Variants in PRKG1 observed in about 807,000 individuals in gnomAD.
The protein encoded by PRKG1 is protein kinase cGMP-dependent 1.
PRKG1 carries 35 observed loss-of-function variants against 88.1 expected under a neutral mutation model. That is an observed-to-expected ratio of 0.40 (90% CI 0.30 to 0.53). The LOEUF (loss-of-function observed/expected upper bound fraction) is 0.53, where lower values mean the gene tolerates loss of function less well. Ranked by LOEUF, PRKG1 falls within the 20% of genes least tolerant of loss-of-function variation. The pLI is 0.59. For synonymous variants in PRKG1, 303 were observed against 292.5 expected (o/e 1.04, Z -0.37); for missense variants, 540 against 839.8 (o/e 0.64, Z 4.41).
At chr10:51,217,337 G>A (rs190110555) in intron 2 of PRKG1, among the ~76,000 whole-genome samples, 7 of 152,082 alleles carry the variant, frequency 4.6e-5, no homozygotes, top group Admixed American at 6.5e-5. Context: ...TTCTTTAGCC[G>A]TGTCTAAATG....
Position 52,282,134 on chromosome 10 carries a change from G to A in PRKG1, c.1546-19G>A. ...TAATCATAAGGAGCTTAAGTATCTT[G>A]TTTTTCTCTCTTTGTAAGGTTGATT... On this transcript the variant is annotated intron_variant, in intron 13 of 17. Coordinates refer to ENST00000373980, the MANE Select transcript of PRKG1 (RefSeq NM_006258.4). The A allele has an allele frequency of 3.2e-6, 5 of 1,567,552 alleles. No individual in the cohort carries two copies. The highest frequency in any genetic ancestry group is 4.3e-6 in the Non-Finnish European group (5 of 1,155,926).
At chr10:51,533,631 A>AG (rs1842071884) in intron 3 of PRKG1, among the ~76,000 whole-genome samples, 1 of 151,914 alleles carries the variant, frequency 6.6e-6, no homozygotes, top group African/African-American at 2.4e-5. Context: ...AAAAAAAAAA[A>AG]AAGCCAGTTT....
intron 1 of PRKG1, among the ~76,000 whole-genome samples, chr10:51,045,463 C>T (rs1373747951): frequency 1.3e-5 from 2 of 152,122 alleles, no homozygotes; most frequent in African/African-American, 2.4e-5. Flanking sequence ...GCTGGGACTA[C>T]AGGCATGTGC....
chr10:51,176,033 AAAGGAC>A (rs1162515368), intron 2 of PRKG1, among the ~76,000 whole-genome samples: 3 of 152,162 alleles, frequency 2.0e-5, no homozygotes, highest in Admixed American at 1.3e-4. Context: ...CTGGAAGGAA[AAAGGAC>A]AAGATATTTT....
chr10:51,256,176 G>A (rs111755313), intron 2 of PRKG1, among the ~76,000 whole-genome samples: 3,144 of 152,204 alleles, frequency 0.021, 43 homozygotes, highest in Middle Eastern at 0.044. Context: ...AGAGATCTCT[G>A]TCTTCCCAAG....
At chr10:52,267,165 A>C (rs1336637665) in intron 10 of PRKG1, among the ~76,000 whole-genome samples, 3 of 152,094 alleles carry the variant, frequency 2.0e-5, no homozygotes, top group Non-Finnish European at 4.4e-5. Context: ...TTCATCATGG[A>C]TTAGGTTTGT....
At chr10:51,978,436 CTT>C (rs34946662) in intron 5 of PRKG1, among the ~76,000 whole-genome samples, 33,543 of 134,182 alleles carry the variant, frequency 0.25, 3,849 homozygotes, top group East Asian at 0.33. Flanking sequence ...CATTCGGGCT[CTT>C]TTTTTTTTTT....
chr10:51,942,608 C>T (rs1187306237), intron 5 of PRKG1, among the ~76,000 whole-genome samples: 3 of 146,226 alleles, frequency 2.1e-5, no homozygotes, highest in East Asian at 2.0e-4. Flanking sequence ...AGTCTTTAAT[C>T]CATCTTGAAT....
intron 1 of PRKG1, among the ~76,000 whole-genome samples, chr10:51,082,302 T>C (rs776458720): frequency 6.6e-6 from 1 of 152,144 alleles, no homozygotes; most frequent in Non-Finnish European, 1.5e-5. Context: ...AACATATAGG[T>C]CATTCTCTGG....
chr10:52,037,288 G>A (rs1407723852), intron 5 of PRKG1, among the ~76,000 whole-genome samples: 5 of 152,244 alleles, frequency 3.3e-5, no homozygotes, highest in Admixed American at 3.3e-4. Flanking sequence ...GCATTTGGAA[G>A]TTCCTGTGTG....
At chr10:51,337,045 A>C (rs1477198080) in intron 2 of PRKG1, among the ~76,000 whole-genome samples, 2 of 152,208 alleles carry the variant, frequency 1.3e-5, no homozygotes, top group Non-Finnish European at 2.9e-5. Flanking sequence ...GCAGCATGGT[A>C]CTGTTACAAA....
At chr10:52,215,407 A>C (rs1840085978) in intron 9 of PRKG1, among the ~76,000 whole-genome samples, 1 of 152,144 alleles carries the variant, frequency 6.6e-6, no homozygotes, top group Non-Finnish European at 1.5e-5. Flanking sequence ...AAAAAAAAAA[A>C]AAAAGTATAT....
Position 51,463,999 on chromosome 10 carries a change from C to T in PRKG1, c.479-3724C>T, listed in dbSNP as rs576263785. ...AATGCAGTGCTTTTTGGACGGGGTGCGATAGCTCACGCCTGTAATCCCAAC... is the reference window on the plus strand; with the variant it reads ...AATGCAGTGCTTTTTGGACGGGGTGTGATAGCTCACGCCTGTAATCCCAAC... On this transcript the variant is annotated intron_variant, in intron 2 of 17. Transcript: ENST00000373980. Among the ~76,000 whole-genome samples the T allele has an allele frequency of 2.6e-4, 40 of 152,174 alleles. 1 individual carries two copies. In the South Asian group the frequency reaches 6.4e-3, roughly 25 times the overall value.
chr10:51,621,907 T>G (rs4118256), intron 3 of PRKG1, among the ~76,000 whole-genome samples: 98,651 of 152,012 alleles, frequency 0.65, 34,612 homozygotes, highest in East Asian at 0.82. Context: ...TAGGTTAAAC[T>G]TGGACTCTTG....
intron 2 of PRKG1, among the ~76,000 whole-genome samples, chr10:51,412,235 T>C (rs938505743): frequency 2.0e-4 from 30 of 147,564 alleles, no homozygotes; most frequent in African/African-American, 7.7e-4. Context: ...GAAAGAATTG[T>C]TCAGAAAATT....
chr10:51,489,965 G>A (rs188291568), intron 3 of PRKG1, among the ~76,000 whole-genome samples: 72 of 152,094 alleles, frequency 4.7e-4, no homozygotes, highest in African/African-American at 1.5e-3. Flanking sequence ...CTATCTTTTG[G>A]CCCCACTTTT....
At chr10:51,815,450 T>C (rs904001903) in intron 4 of PRKG1, among the ~76,000 whole-genome samples, 5 of 152,150 alleles carry the variant, frequency 3.3e-5, no homozygotes, top group Admixed American at 2.6e-4. Flanking sequence ...CATAGATTTC[T>C]CTGCTTGATA....
intron 2 of PRKG1, among the ~76,000 whole-genome samples, chr10:51,324,649 G>T (rs990270189): frequency 1.4e-4 from 21 of 152,070 alleles, no homozygotes; most frequent in African/African-American, 4.8e-4. Context: ...GCTGAGGCAG[G>T]ACAATGGCGT....
intron 3 of PRKG1, among the ~76,000 whole-genome samples, chr10:51,721,568 A>G (rs1842014187): frequency 6.6e-6 from 1 of 152,194 alleles, no homozygotes; most frequent in South Asian, 2.1e-4. Flanking sequence ...CCTTGGATCT[A>G]TTACTCCAAG....
Sources: allele counts gnomAD v4.1 joint callset (sites outside exome capture counted in the v4.1 genomes callset), GRCh38; gene constraint gnomAD v4.1.1; transcripts MANE v1.5; gene names NCBI Gene and HGNC (gene_info 2026-07-23, HGNC 2026-07-21).